Variants in ERC1 observed in about 807,000 individuals in gnomAD.
ERC1 encodes ELKS/RAB6-interacting/CAST family member 1.
ERC1 carries 56 observed loss-of-function variants against 132.0 expected under a neutral mutation model. That is an observed-to-expected ratio of 0.42 (90% CI 0.34 to 0.53). The LOEUF is 0.53. Among genes scored for constraint, ERC1 ranks in the 20% least tolerant of loss-of-function variants. ERC1 has a pLI of 0.03. For missense variants in ERC1, 1,202 were observed against 1,349.9 expected, an observed-to-expected ratio of 0.89 and a Z score of 1.72; for synonymous variants, 478 against 476.1, an observed-to-expected ratio of 1.00 and a Z score of -0.05.
chr12:1,231,907 T>G (rs916651200), intron 12 of ERC1, among the ~76,000 whole-genome samples: 1 of 152,106 alleles, frequency 6.6e-6, no homozygotes, highest in Non-Finnish European at 1.5e-5. Flanking sequence ...GCCCAGCTAA[T>G]TTTTGTATTT....
chr12:1,041,147 C>T (rs1425081465), intron 2 of ERC1, among the ~76,000 whole-genome samples: 1 of 151,310 alleles, frequency 6.6e-6, no homozygotes, highest in African/African-American at 2.4e-5. Flanking sequence ...AAACAATAAA[C>T]CTAATAAATG....
chr12:1,247,835 A>G lies in ERC1; in HGVS notation c.2487+10931A>G, dbSNP rs191000429. Among the ~76,000 whole-genome samples the G allele has an allele frequency of 2.2e-4, 34 of 152,234 alleles. No individual in the cohort carries two copies. The East Asian group carries it at 5.6e-3, about 25-fold the overall frequency. On this transcript the variant is annotated intron_variant, in intron 13 of 18. Coordinates refer to ENST00000360905, the MANE Select transcript of ERC1 (RefSeq NM_178040.4). ...AACATGGAGAAACCCCATCTCCACT[A>G]AAAATAGAAAAGTAGCCGGGTGTGG...
intron 7 of ERC1, among the ~76,000 whole-genome samples, chr12:1,128,976 A>T (rs1948476696): frequency 6.6e-6 from 1 of 152,170 alleles, no homozygotes; most frequent in Non-Finnish European, 1.5e-5. Context: ...ATTAAAAAGA[A>T]CTCTATGTAA....
At chr12:1,374,758 G>T (rs1417144296) in intron 16 of ERC1, among the ~76,000 whole-genome samples, 1 of 151,224 alleles carries the variant, frequency 6.6e-6, no homozygotes, top group African/African-American at 2.4e-5. Context: ...GTGAAATCTG[G>T]CTCTGCCCCT....
chr12:1,274,503 T>TATTC (rs1468838132), intron 14 of ERC1, among the ~76,000 whole-genome samples: 3 of 151,792 alleles, frequency 2.0e-5, no homozygotes, highest in South Asian at 4.2e-4. Flanking sequence ...TTTATTTATT[T>TATTC]ATTTATTGAG....
chr12:1,489,420 A>G (rs2094293041), intron 18 of ERC1, among the ~76,000 whole-genome samples: 1 of 152,194 alleles, frequency 6.6e-6, no homozygotes, highest in Non-Finnish European at 1.5e-5. Flanking sequence ...TTATCTGTTT[A>G]CATGCTTGTC....
At chr12:1,269,770 TG>T (rs1357510135) in intron 14 of ERC1, among the ~76,000 whole-genome samples, 1 of 152,314 alleles carries the variant, frequency 6.6e-6, no homozygotes, top group East Asian at 1.9e-4. Flanking sequence ...TACGTATCCC[TG>T]AAATTGATCT....
In ERC1 at chr12:1,493,547, AAATATATATATATATATATAT is replaced by A. The variant is rs2094337009; in HGVS notation, c.*3319_*3339del. ...GACTCCATTTAAAAAAAAAAAAAAA[AAATATATATATATATATATAT>A]ATATATATATGGATGGGAATCACCA... On this transcript the variant is annotated 3_prime_UTR_variant, in exon 19 of 19. Transcript: ENST00000360905. The A allele has an allele frequency of 1.7e-5, 1 of 60,492 alleles. No individual in the cohort carries two copies. Among genetic ancestry groups the A allele is most frequent in the Non-Finnish European group, 3.2e-5 (1 of 30,796 alleles). The allele number at this position is 60,492 out of a possible 1,614,324, so 3.7% of individuals were successfully genotyped here.
At chr12:1,186,243 C>T (rs947445783) in intron 11 of ERC1, among the ~76,000 whole-genome samples, 17 of 152,010 alleles carry the variant, frequency 1.1e-4, no homozygotes, top group Non-Finnish European at 4.4e-5. Context: ...AGGAAAAAAA[C>T]GTGTGTTAGT....
chr12:999,023 C>A (rs1367183337), intron 1 of ERC1, among the ~76,000 whole-genome samples: 1 of 152,004 alleles, frequency 6.6e-6, no homozygotes, highest in South Asian at 2.1e-4. Flanking sequence ...CCACACCCAG[C>A]TAATTTTTGT....
chr12:991,512 C>G (rs993853942), intron 1 of ERC1, 190 bp downstream of exon 1: 4 of 152,248 alleles, frequency 2.6e-5, no homozygotes, highest in African/African-American at 7.2e-5. Flanking sequence ...CCCCCTCCCC[C>G]TCCTCGGCAG....
chr12:1,314,910 C>T (rs1354219829), intron 15 of ERC1, among the ~76,000 whole-genome samples: 1 of 152,154 alleles, frequency 6.6e-6, no homozygotes, highest in African/African-American at 2.4e-5. Flanking sequence ...AACTCTTCTC[C>T]CAACTTTCAG....
chr12:1,417,320 CT>C (rs1362990549), intron 17 of ERC1, among the ~76,000 whole-genome samples: 1 of 152,120 alleles, frequency 6.6e-6, no homozygotes, highest in African/African-American at 2.4e-5. Flanking sequence ...TCTGCCAGCC[CT>C]TTTTGCATAC....
chr12:1,279,575 G>A (rs551367161), intron 14 of ERC1, among the ~76,000 whole-genome samples: 11 of 151,810 alleles, frequency 7.2e-5, no homozygotes, highest in Admixed American at 5.9e-4. Context: ...ATTAAGTCCA[G>A]TGGAAACAAA....
intron 6 of ERC1, among the ~76,000 whole-genome samples, chr12:1,115,412 T>C (rs1310792569): frequency 6.6e-6 from 1 of 152,226 alleles, no homozygotes; most frequent in Non-Finnish European, 1.5e-5. Flanking sequence ...TTTTGAATTT[T>C]AAATAGTACT....
intron 4 of ERC1, among the ~76,000 whole-genome samples, chr12:1,107,852 C>T (rs1945429163): frequency 6.6e-6 from 1 of 151,996 alleles, no homozygotes; most frequent in African/African-American, 2.4e-5. Context: ...TTGACCTTCA[C>T]TGGAGAGAGT....
intron 15 of ERC1, among the ~76,000 whole-genome samples, chr12:1,346,148 C>G (rs1294275323): frequency 6.8e-6 from 1 of 147,166 alleles, no homozygotes; most frequent in East Asian, 2.0e-4. Context: ...AAGGCCTGGA[C>G]TCAAGTTTTT....
At chr12:1,127,965 AC>A (rs1234327115) in intron 7 of ERC1, among the ~76,000 whole-genome samples, 4 of 152,102 alleles carry the variant, frequency 2.6e-5, no homozygotes, top group African/African-American at 9.7e-5. Flanking sequence ...AATTCCTCCT[AC>A]CAGTATTAAT....
intron 8 of ERC1, among the ~76,000 whole-genome samples, chr12:1,174,789 A>G (rs970337603): frequency 1.3e-5 from 2 of 152,216 alleles, no homozygotes; most frequent in Non-Finnish European, 1.5e-5. Flanking sequence ...TTGACAGGAA[A>G]GTCTAATCAA....
Sources: allele counts gnomAD v4.1 joint callset (sites outside exome capture counted in the v4.1 genomes callset), GRCh38; gene constraint gnomAD v4.1.1; transcripts MANE v1.5; gene names NCBI Gene and HGNC (gene_info 2026-07-23, HGNC 2026-07-21).